Variants in CTDSPL2 observed in about 807,000 individuals in gnomAD.
The protein encoded by CTDSPL2 is CTD small phosphatase like 2, also known as CTD small phosphatase-like protein 2.
Under a neutral mutation model 60.0 loss-of-function variants are expected in CTDSPL2, and 5 were observed. That is an observed-to-expected ratio of 0.08 (90% CI 0.04 to 0.18). CTDSPL2 has a LOEUF of 0.18. Ranked by LOEUF, CTDSPL2 falls within the 10% of genes least tolerant of loss-of-function variation. The probability of loss-of-function intolerance (pLI) is 1.00; values close to 1 mark genes in which losing one functional copy is unlikely to be tolerated. For missense variants in CTDSPL2, 370 were observed against 548.8 expected (o/e 0.67, Z 3.26); for synonymous variants, 186 against 189.3 (o/e 0.98, Z 0.14).
At chr15:44,432,188 T>C (rs1304273472) in intron 1 of CTDSPL2, among the ~76,000 whole-genome samples, 3 of 151,946 alleles carry the variant, frequency 2.0e-5, no homozygotes, top group Non-Finnish European at 2.9e-5. Flanking sequence ...TGAGACTGAG[T>C]GTGGCCCCAA....
At chr15:44,430,048 T>C (rs1336278579) in intron 1 of CTDSPL2, among the ~76,000 whole-genome samples, 1 of 152,346 alleles carries the variant, frequency 6.6e-6, no homozygotes, top group East Asian at 1.9e-4. Context: ...GTTTTCCCAC[T>C]GTTAAGAAAT....
chr15:44,488,981 A>G (rs1384973727), intron 4 of CTDSPL2, among the ~76,000 whole-genome samples: 1 of 152,160 alleles, frequency 6.6e-6, no homozygotes, highest in East Asian at 1.9e-4. Flanking sequence ...CTTGGAAGGA[A>G]GAGATGGTGT....
Position 44,526,437 on chromosome 15 carries a change from C to T in CTDSPL2, c.*2263C>T, listed in dbSNP as rs193118876. On this transcript the variant is annotated 3_prime_UTR_variant, in exon 13 of 13. Transcript: ENST00000260327. ...ACTTTTTAAACTAATCATCTTTTAT[C>T]AATGATAAAGTTGTTTTCAGTCCCA... 6.6e-6 allele frequency: 1 copy of T among 152,212 alleles called. No homozygotes were observed. Among genetic ancestry groups the T allele is most frequent in the Admixed American group, 6.5e-5 (1 of 15,278 alleles). 9.4% of individuals were successfully genotyped at this position (152,212 alleles called of 1,614,324 possible). A position where few individuals can be genotyped will look rare whatever the true frequency, so the allele number is the denominator to read the frequency against.
At chr15:44,429,260 G>T (rs940233334) in intron 1 of CTDSPL2, among the ~76,000 whole-genome samples, 2 of 152,124 alleles carry the variant, frequency 1.3e-5, no homozygotes, top group Non-Finnish European at 2.9e-5. Context: ...ATTAAGTTGA[G>T]CTTCATACTT....
chr15:44,460,390 G>T (rs2080542892), intron 2 of CTDSPL2, among the ~76,000 whole-genome samples: 1 of 152,218 alleles, frequency 6.6e-6, no homozygotes. Context: ...TTATAGGCAT[G>T]AGCCACCGCG....
At chr15:44,478,916 C>CACTG (rs1453494232) in intron 2 of CTDSPL2, among the ~76,000 whole-genome samples, 5 of 152,122 alleles carry the variant, frequency 3.3e-5, no homozygotes, top group African/African-American at 1.2e-4. Flanking sequence ...GAGGCGGAGC[C>CACTG]ACTGACTGCA....
chr15:44,444,042 A>G (rs1320116147), intron 1 of CTDSPL2, among the ~76,000 whole-genome samples: 1 of 151,922 alleles, frequency 6.6e-6, no homozygotes, highest in Non-Finnish European at 1.5e-5. Context: ...AGTAGCTAGT[A>G]CTGTAGGTGT....
intron 2 of CTDSPL2, among the ~76,000 whole-genome samples, chr15:44,479,774 C>A (rs776589596): frequency 3.3e-5 from 5 of 152,054 alleles, no homozygotes; most frequent in Non-Finnish European, 7.4e-5. Context: ...GCATCTTTTT[C>A]TGACACGTGT....
intron 8 of CTDSPL2, chr15:44,501,827 C>T (rs886817575): frequency 7.5e-5 from 25 of 334,210 alleles, no homozygotes; most frequent in East Asian, 1.6e-4. Flanking sequence ...GGGTACATTC[C>T]CTTGGATTTC....
chr15:44,473,292 T>G (rs2080847568), intron 2 of CTDSPL2, among the ~76,000 whole-genome samples: 1 of 152,088 alleles, frequency 6.6e-6, no homozygotes, highest in Non-Finnish European at 1.5e-5. Flanking sequence ...CAAAGATTTA[T>G]CCCTAGATTT....
intron 2 of CTDSPL2, among the ~76,000 whole-genome samples, chr15:44,474,190 TG>T (rs2080866036): frequency 6.6e-6 from 1 of 152,174 alleles, no homozygotes; most frequent in South Asian, 2.1e-4. Flanking sequence ...AGAACTTTCT[TG>T]GGGCCAGGTG....
At chr15:44,495,593 A>G (rs935310380) in intron 5 of CTDSPL2, among the ~76,000 whole-genome samples, 1 of 151,556 alleles carries the variant, frequency 6.6e-6, no homozygotes, top group Non-Finnish European at 1.5e-5. Flanking sequence ...TCCTGGGAAC[A>G]TACAGTTTTT....
chr15:44,505,548 A>G (rs2081445796), intron 8 of CTDSPL2, among the ~76,000 whole-genome samples: 1 of 152,092 alleles, frequency 6.6e-6, no homozygotes, highest in Non-Finnish European at 1.5e-5. Context: ...CAGCCTAAAC[A>G]ACATGGTGAA....
intron 2 of CTDSPL2, among the ~76,000 whole-genome samples, chr15:44,482,169 CAG>C (rs1221355523): frequency 6.6e-6 from 1 of 152,150 alleles, no homozygotes; most frequent in African/African-American, 2.4e-5. Context: ...GTTTTAGAGA[CAG>C]GGTCTCACTT....
At chr15:44,464,111 G>A (rs758439307) in intron 2 of CTDSPL2, among the ~76,000 whole-genome samples, 4 of 152,160 alleles carry the variant, frequency 2.6e-5, no homozygotes, top group Non-Finnish European at 5.9e-5. Flanking sequence ...CTGGGTTCAA[G>A]CGATTCTCCT....
chr15:44,490,738 T>C (rs753701913), intron 4 of CTDSPL2, 46 bp from the exon 5 acceptor site: 37 of 1,443,964 alleles, frequency 2.6e-5, no homozygotes, highest in Non-Finnish European at 1.1e-5. Context: ...TTTTTCTAAA[T>C]AGGTGCATTT....
chr15:44,513,361 G>A (rs1486809008), intron 8 of CTDSPL2, among the ~76,000 whole-genome samples: 8 of 152,030 alleles, frequency 5.3e-5, no homozygotes, highest in South Asian at 2.1e-4. Flanking sequence ...CAGCTACTCC[G>A]GAGGCTGAGG....
chr15:44,460,428 G>A (rs1173491367), intron 2 of CTDSPL2, among the ~76,000 whole-genome samples: 1 of 152,058 alleles, frequency 6.6e-6, no homozygotes, highest in African/African-American at 2.4e-5. Context: ...CACCTTTAAT[G>A]CACTCTATCA....
chr15:44,492,049 A>G (rs1443234515), intron 5 of CTDSPL2, among the ~76,000 whole-genome samples: 1 of 151,658 alleles, frequency 6.6e-6, no homozygotes, highest in East Asian at 1.9e-4. Flanking sequence ...TTTAACTTTT[A>G]GTAGAGACCA....
Sources: allele counts gnomAD v4.1 joint callset (sites outside exome capture counted in the v4.1 genomes callset), GRCh38; gene constraint gnomAD v4.1.1; transcripts MANE v1.5; gene names NCBI Gene and HGNC (gene_info 2026-07-23, HGNC 2026-07-21).